UBR3: variants seen among roughly 807,000 people sequenced by gnomAD.
UBR3 encodes the protein E3 ubiquitin-protein ligase UBR3.
Under a neutral mutation model 243.2 loss-of-function variants are expected in UBR3, and 85 were observed. That is an observed-to-expected ratio of 0.35 (90% CI 0.29 to 0.42). UBR3 has a LOEUF of 0.42. Ranked by LOEUF, UBR3 falls within the 10% of genes least tolerant of loss-of-function variation. UBR3 has a pLI of 1.00. For synonymous variants in UBR3, 748 were observed against 799.8 expected, an observed-to-expected ratio of 0.94 and a Z score of 1.09; for missense variants, 1,686 against 2,300.8, an observed-to-expected ratio of 0.73 and a Z score of 5.47.
At chr2:169,845,524 C>T (rs1271273748) in intron 1 of UBR3, among the ~76,000 whole-genome samples, 1 of 137,536 alleles carries the variant, frequency 7.3e-6, no homozygotes, top group African/African-American at 2.6e-5. Flanking sequence ...TCGTCGTCGT[C>T]GTCGTCGTCT....
intron 32 of UBR3, among the ~76,000 whole-genome samples, chr2:170,044,752 A>ATTCTT (rs1334511324): frequency 6.6e-6 from 1 of 152,132 alleles, no homozygotes; most frequent in Non-Finnish European, 1.5e-5. Context: ...ACAGCACCAG[A>ATTCTT]TTCTTTATGG....
chr2:170,073,437 G>T lies in UBR3; in HGVS notation c.5029G>T (p.Glu1677Ter), dbSNP rs2091742199. ...EDLPSCQEEE[E>*]FSVLASCLGL... Reference sequence around the variant, plus strand: ...ATTTCATGTCTAAAAGGAAGAAGAAGAATTTTCAGTTCTTGCCAGCTGCCT... The same window carrying T: ...ATTTCATGTCTAAAAGGAAGAAGAATAATTTTCAGTTCTTGCCAGCTGCCT... The change falls in exon 36 of 39, where the codon GAA (glutamate) becomes TAA (stop). Residue 1677 changes from glutamate to a stop codon, truncating the protein, a stop_gained. Transcript: ENST00000272793. LOFTEE classifies it high-confidence loss of function. The T allele has an allele frequency of 1.2e-6, 2 of 1,613,198 alleles. No individual in the cohort carries two copies. The highest frequency in any genetic ancestry group is 1.3e-5 in the African/African-American group (1 of 74,890).
rs1184858949 is a variant in UBR3 at position 170,076,024 on chromosome 2, G to GT, written c.5199+2421dup. Among the ~76,000 whole-genome samples the GT allele has an allele frequency of 3.3e-5, 5 of 151,924 alleles. No individual in the cohort carries two copies. In the East Asian group the frequency reaches 7.7e-4, roughly 23 times the overall value. The stretch of plus-strand genomic sequence containing the variant: ...GAGAAACCACAAATATCTCTGCTCT[G>GT]TTTTCTCTGAAGTGCTGCCACCAGA... On this transcript the variant is annotated intron_variant, in intron 36 of 38. Coordinates refer to ENST00000272793, the MANE Select transcript of UBR3 (RefSeq NM_172070.4).
chr2:169,959,438 A>T (rs2087464685), intron 24 of UBR3, among the ~76,000 whole-genome samples: 1 of 151,732 alleles, frequency 6.6e-6, no homozygotes, highest in Non-Finnish European at 1.5e-5. Context: ...TTGTGGCATC[A>T]TGCCACAAGT....
At chr2:170,078,312 TG>T in intron 36 of UBR3, 1 of 281,892 alleles carries the variant, frequency 3.5e-6, no homozygotes. Context: ...GCGCAGCCCC[TG>T]GGGTGCGAAA....
chr2:169,934,809 AAAGT>A (rs1298164445), intron 19 of UBR3, among the ~76,000 whole-genome samples: 2 of 152,252 alleles, frequency 1.3e-5, no homozygotes, highest in Non-Finnish European at 2.9e-5. Flanking sequence ...AGTTTAAGTG[AAAGT>A]AAGCCGTTTG....
At chr2:169,989,624 CA>C (rs2105390747) in intron 25 of UBR3, among the ~76,000 whole-genome samples, 1 of 152,250 alleles carries the variant, frequency 6.6e-6, no homozygotes, top group African/African-American at 2.4e-5. Flanking sequence ...TTCACTTCAT[CA>C]CCTATTTTTT....
At chr2:169,852,850 C>CA (rs869283640) in intron 1 of UBR3, among the ~76,000 whole-genome samples, 1,415 of 48,272 alleles carry the variant, frequency 0.029, 254 homozygotes, top group Non-Finnish European at 0.035. Context: ...GACTTCATCT[C>CA]AAAAAAAAAA....
chr2:170,077,376 TATATA>T (rs1306652033), intron 36 of UBR3: 10 of 1,058,252 alleles, frequency 9.4e-6, no homozygotes, highest in African/African-American at 1.6e-5. Flanking sequence ...CATCCAAAGT[TATATA>T]CATTGGGAAT....
Position 170,007,093 on chromosome 2 carries a change from A to G in UBR3, c.4133A>G (p.Asn1378Ser), listed in dbSNP as rs1217441100. ...NSVLPCYPGS[N>S]VENNPWQRPS... ...GTTCTTCCATGTTATCCTGGAAGCA[A>G]TGTGGAAAATAACCCTTGGCAACGT... Residue 1378 changes from asparagine to serine, a missense_variant, in exon 28 of 39, where the codon AAT becomes AGT. Physicochemically the swap from Asn to Ser is conservative, Grantham distance 46. Coordinates refer to ENST00000272793, the MANE Select transcript of UBR3 (RefSeq NM_172070.4). The G allele has an allele frequency of 1.9e-6, 3 of 1,613,804 alleles. No homozygotes were observed. In the South Asian group the frequency reaches 3.3e-5, roughly 18 times the overall value.
intron 22 of UBR3, among the ~76,000 whole-genome samples, chr2:169,948,178 T>C (rs1482483133): frequency 1.3e-5 from 2 of 151,938 alleles, no homozygotes; most frequent in Admixed American, 1.3e-4. Context: ...ATTTTTCTTA[T>C]TAGTGTTCGA....
At chr2:169,927,230 G>A (rs1314671538) in intron 16 of UBR3, 90 bp from the exon 17 acceptor site, 15 of 1,214,058 alleles carry the variant, frequency 1.2e-5, no homozygotes, top group Non-Finnish European at 1.7e-5. Flanking sequence ...CTTATATTTG[G>A]TAAAACAGCT....
At chr2:169,865,406 T>C (rs1371282139) in intron 1 of UBR3, among the ~76,000 whole-genome samples, 7 of 152,214 alleles carry the variant, frequency 4.6e-5, no homozygotes. Context: ...AGTTCTGCCG[T>C]ACTGACACTA....
At chr2:169,901,650 C>T (rs2084827249) in intron 8 of UBR3, among the ~76,000 whole-genome samples, 1 of 152,086 alleles carries the variant, frequency 6.6e-6, no homozygotes, top group Non-Finnish European at 1.5e-5. Context: ...TTAATAAATA[C>T]AGGAGCTGAT....
chr2:169,902,124 C>G (rs2084848063), intron 8 of UBR3, among the ~76,000 whole-genome samples: 1 of 152,196 alleles, frequency 6.6e-6, no homozygotes, highest in African/African-American at 2.4e-5. Context: ...AACAGCTGTG[C>G]AGCCTAAAAA....
At chr2:169,960,273 C>T (rs538803823) in intron 24 of UBR3, among the ~76,000 whole-genome samples, 19 of 151,218 alleles carry the variant, frequency 1.3e-4, no homozygotes, top group East Asian at 3.9e-4. Flanking sequence ...ATAAAATCAC[C>T]GTAGCCTGTA....
At chr2:169,878,198 C>G (rs2083686300) in intron 4 of UBR3, among the ~76,000 whole-genome samples, 1 of 151,996 alleles carries the variant, frequency 6.6e-6, no homozygotes, top group African/African-American at 2.4e-5. Context: ...CTCGTCTTTA[C>G]TAAAATACAA....
rs531662722 is a variant in UBR3 at position 169,876,755 on chromosome 2, G to T, written c.845-739G>T. Among the ~76,000 whole-genome samples the T allele has an allele frequency of 4.6e-5, 7 of 152,104 alleles. No individual in the cohort carries two copies. The East Asian group carries it at 1.2e-3, about 25-fold the overall frequency. ...ATTTTTGTATTTTTGTAGAGACAGGGTTTTAACCATGTTGGCCAGGCTGGT... is the reference window on the plus strand; with the variant it reads ...ATTTTTGTATTTTTGTAGAGACAGGTTTTTAACCATGTTGGCCAGGCTGGT... On this transcript the variant is annotated intron_variant, in intron 3 of 38. Coordinates refer to ENST00000272793, the MANE Select transcript of UBR3 (RefSeq NM_172070.4).
chr2:169,849,208 C>T (rs1173602373), intron 1 of UBR3, among the ~76,000 whole-genome samples: 2 of 152,148 alleles, frequency 1.3e-5, no homozygotes, highest in Non-Finnish European at 2.9e-5. Context: ...TGGCATGAGG[C>T]CCAGTCAAGA....
Sources: gnomAD v4.1 joint callset for allele counts (sites outside exome capture counted in the v4.1 genomes callset) on GRCh38, gnomAD v4.1.1 for gene constraint, MANE v1.5 for transcripts, NCBI Gene and HGNC (gene_info 2026-07-23, HGNC 2026-07-21) for gene names.